ATXN7L1: variants seen among roughly 807,000 people sequenced by gnomAD.
ATXN7L1 encodes ataxin 7 like 1, also known as ataxin-7-like protein 1.
A neutral mutation model predicts 70.8 loss-of-function variants in ATXN7L1; 15 were observed. That is an observed-to-expected ratio of 0.21 (90% confidence interval 0.14 to 0.33). The LOEUF is 0.33. Ranked by LOEUF, ATXN7L1 falls within the 10% of genes least tolerant of loss-of-function variation. ATXN7L1 has a pLI of 1.00. For missense variants in ATXN7L1, 975 were observed against 1,097.1 expected, an observed-to-expected ratio of 0.89 and a Z score of 1.57; for synonymous variants, 440 against 445.1, an observed-to-expected ratio of 0.99 and a Z score of 0.14.
chr7:105,846,030 G>T (rs1813978264), intron 2 of ATXN7L1, among the ~76,000 whole-genome samples: 1 of 151,986 alleles, frequency 6.6e-6, no homozygotes, highest in African/African-American at 2.4e-5. Flanking sequence ...AGCAATAAAA[G>T]AAATATTTGA....
chr7:105,682,979 TA>T (rs1805727527), intron 3 of ATXN7L1, among the ~76,000 whole-genome samples: 1 of 152,216 alleles, frequency 6.6e-6, no homozygotes, highest in Non-Finnish European at 1.5e-5. Flanking sequence ...CTGCAGAAAG[TA>T]AGAGCAAGGA....
intron 2 of ATXN7L1, among the ~76,000 whole-genome samples, chr7:105,871,222 C>T (rs1034233504): frequency 4.6e-5 from 7 of 151,920 alleles, no homozygotes; most frequent in Non-Finnish European, 1.0e-4. Flanking sequence ...GTTCCACCCC[C>T]CTTTCTTTAA....
chr7:105,833,657 A>G (rs1811961848), intron 2 of ATXN7L1, among the ~76,000 whole-genome samples: 1 of 152,260 alleles, frequency 6.6e-6, no homozygotes, highest in South Asian at 2.1e-4. Flanking sequence ...TAACATTTGT[A>G]CATTTCACTG....
intron 4 of ATXN7L1, among the ~76,000 whole-genome samples, chr7:105,650,969 G>C (rs142573300): frequency 2.6e-5 from 4 of 152,366 alleles, no homozygotes; most frequent in Non-Finnish European, 5.9e-5. Context: ...ATAAGGCTTA[G>C]AAATATAGGC....
chr7:105,797,773 G>A (rs577713127), intron 2 of ATXN7L1, among the ~76,000 whole-genome samples: 44 of 152,302 alleles, frequency 2.9e-4, no homozygotes, highest in African/African-American at 8.7e-4. Context: ...CTCCTGGTGC[G>A]CCCTCACTCG....
intron 3 of ATXN7L1, 134 bp from the exon 4 acceptor site, chr7:105,665,422 G>C (rs1395577553): frequency 2.9e-6 from 2 of 686,498 alleles, no homozygotes; most frequent in Non-Finnish European, 5.0e-6. Context: ...CTGAAGCCTA[G>C]GTTCTGATGA....
intron 3 of ATXN7L1, among the ~76,000 whole-genome samples, chr7:105,739,297 A>G (rs895719384): frequency 6.6e-6 from 1 of 152,166 alleles, no homozygotes; most frequent in Non-Finnish European, 1.5e-5. Context: ...GTTTGCACCA[A>G]CCTAAGAGAA....
chr7:105,664,959 T>C (rs1802394789), intron 4 of ATXN7L1, 107 bp downstream of exon 4: 1 of 1,144,270 alleles, frequency 8.7e-7, no homozygotes, highest in South Asian at 1.5e-5. Flanking sequence ...CCCAAATTCC[T>C]GCATGTGACA....
At chr7:105,675,415 G>C (rs1011969857) in intron 3 of ATXN7L1, among the ~76,000 whole-genome samples, 4 of 152,254 alleles carry the variant, frequency 2.6e-5, no homozygotes, top group Admixed American at 1.3e-4. Context: ...TTGAGGTCAG[G>C]AGTTTGAGAC....
At chr7:105,621,668 T>C (rs1794954474) in intron 8 of ATXN7L1, among the ~76,000 whole-genome samples, 1 of 152,114 alleles carries the variant, frequency 6.6e-6, no homozygotes, top group Non-Finnish European at 1.5e-5. Context: ...TCAGAGAAGG[T>C]GACATTTGGC....
rs1253569733 is a variant in ATXN7L1 at position 105,733,633 on chromosome 7, C to CCCATCCATCCAT, written c.355+54959_355+54970dup. On this transcript the variant is annotated intron_variant, in intron 3 of 11. Coordinates refer to ENST00000419735, the MANE Select transcript of ATXN7L1 (RefSeq NM_020725.2). ...ATCCATCCATCCATCCATCCATCCACCCATCCATCCATCCATCCATCCATC... is the reference window on the plus strand; with the variant it reads ...ATCCATCCATCCATCCATCCATCCACCCATCCATCCATCCATCCATCCATCCATCCATCCATC... Among the ~76,000 whole-genome samples, 13 of 38,274 alleles carry CCCATCCATCCAT rather than the reference C, an allele frequency of 3.4e-4. 2 individuals carry two copies. The highest frequency in any genetic ancestry group is 6.0e-4 in the Non-Finnish European group (12 of 19,840). The allele number at this position is 38,274 out of a possible 152,430, so 25.1% of individuals were successfully genotyped here.
chr7:105,774,966 T>A (rs988553991), intron 3 of ATXN7L1, among the ~76,000 whole-genome samples: 6 of 152,044 alleles, frequency 3.9e-5, no homozygotes, highest in African/African-American at 7.3e-5. Flanking sequence ...TCTTAAGACA[T>A]CTGTAGTTCC....
In ATXN7L1 at chr7:105,638,488, G is replaced by T; in HGVS notation, c.1067C>A (p.Thr356Asn). ...KEVKDKEHLL[T>N]STREILPSQS... ...GCTTGGAAGTATTTCCCTCGTGGAA[G>T]TCAGGAGATGCTCTTTATCTTTAAC... is the stretch of plus-strand genomic sequence containing the variant. The change falls in exon 7 of 12, where the codon ACT becomes AAT. Residue 356 changes from threonine to asparagine, a missense_variant. By Grantham distance (65) the Thr-to-Asn change is moderately conservative. This residue lies in a region of ATXN7L1 where 635 missense variants were observed against 699.4 expected (regional missense o/e 0.91). Transcript: ENST00000419735. 1 of 1,552,348 alleles carries T rather than the reference G, an allele frequency of 6.4e-7. No individual in the cohort carries two copies. The highest frequency in any genetic ancestry group is 8.7e-7 in the Non-Finnish European group (1 of 1,147,146).
chr7:105,635,027 T>C (rs1392349902), intron 7 of ATXN7L1, among the ~76,000 whole-genome samples: 1 of 152,210 alleles, frequency 6.6e-6, no homozygotes, highest in African/African-American at 2.4e-5. Flanking sequence ...CTGCCCTTTG[T>C]CAGGAATCTA....
At chr7:105,629,569 G>A (rs1402071845) in intron 7 of ATXN7L1, among the ~76,000 whole-genome samples, 3 of 149,610 alleles carry the variant, frequency 2.0e-5, no homozygotes, top group East Asian at 2.0e-4. Context: ...AGGCTGGAGT[G>A]CAGTGGCGTG....
At chr7:105,733,700 ATT>A (rs1796978853) in intron 3 of ATXN7L1, among the ~76,000 whole-genome samples, 1 of 146,892 alleles carries the variant, frequency 6.8e-6, no homozygotes, top group African/African-American at 2.5e-5. Flanking sequence ...CCATCCATCC[ATT>A]CATCCATCCA....
intron 3 of ATXN7L1, among the ~76,000 whole-genome samples, chr7:105,722,066 C>T (rs1325824535): frequency 1.3e-5 from 2 of 152,138 alleles, no homozygotes; most frequent in Non-Finnish European, 2.9e-5. Context: ...TTGCCTGTCC[C>T]AACTGCATTG....
intron 4 of ATXN7L1, among the ~76,000 whole-genome samples, chr7:105,660,634 G>A (rs1007884340): frequency 5.2e-5 from 7 of 134,230 alleles, no homozygotes; most frequent in Non-Finnish European, 7.7e-5. Context: ...CCAGGCTGGA[G>A]TGCAGTGGCG....
chr7:105,676,078 T>A (rs1172675650), intron 3 of ATXN7L1, among the ~76,000 whole-genome samples: 1 of 151,932 alleles, frequency 6.6e-6, no homozygotes, highest in African/African-American at 2.4e-5. Context: ...TCACTCTGAG[T>A]GGAGGAGAAC....
Sources: allele counts gnomAD v4.1 joint callset (sites outside exome capture counted in the v4.1 genomes callset), GRCh38; gene constraint gnomAD v4.1.1; regional missense constraint gnomAD v4.1.1; transcripts MANE v1.5; gene names NCBI Gene and HGNC (gene_info 2026-07-23, HGNC 2026-07-21).